The following OR10J1 variants were observed in gnomAD, a reference collection of about 807,000 sequenced individuals.
The protein encoded by OR10J1 is olfactory receptor 10J1.
For synonymous variants in OR10J1, 202 were observed against 143.8 expected, an observed-to-expected ratio of 1.40 and a Z score of -2.89; for missense variants, 474 against 376.6, an observed-to-expected ratio of 1.26 and a Z score of -2.14.
chr1:159,406,475 C>T, the OR10J1 span: 2 of 262,638 alleles, frequency 7.6e-6, no homozygotes, highest in South Asian at 9.6e-5. Context: ...TTTTTGGATT[C>T]CTTAGATAAT....
the OR10J1 span, among the ~76,000 whole-genome samples, chr1:159,397,628 C>G: frequency 6.6e-6 from 1 of 152,006 alleles, no homozygotes; most frequent in African/African-American, 2.4e-5. Context: ...TCCTCATGGC[C>G]ATGGGCGGTG....
the OR10J1 span, among the ~76,000 whole-genome samples, chr1:159,403,227 C>T: frequency 6.6e-6 from 1 of 151,938 alleles, no homozygotes; most frequent in Non-Finnish European, 1.5e-5. Flanking sequence ...AGCAATAACC[C>T]ACAAACACAG....
rs199724526 is a variant in OR10J1, at chr1:159,440,727, T to C, written c.*6T>C. ...TTGGTGGGAAGTTTTCCTGACCATG[T>C]AGGAAGAGTTCTCCTGAGGCTGTCA... On this transcript the variant is annotated 3_prime_UTR_variant, in exon 1 of 1. Transcript: ENST00000423932. 3.6e-4 allele frequency: 584 copies of C among 1,605,122 alleles called. 10 individuals are homozygous for C. In the South Asian group the frequency reaches 6.3e-3, roughly 17 times the overall value.
chr1:159,426,657 A>C, the OR10J1 span, among the ~76,000 whole-genome samples: 1 of 151,896 alleles, frequency 6.6e-6, no homozygotes, highest in East Asian at 1.9e-4. Flanking sequence ...TGTAGCAATA[A>C]TTAACAGGCC....
the OR10J1 span, among the ~76,000 whole-genome samples, chr1:159,428,838 C>T: frequency 6.6e-6 from 1 of 152,336 alleles, no homozygotes; most frequent in East Asian, 1.9e-4. Flanking sequence ...GCTTACTTGG[C>T]TTGTCAAAGA....
chr1:159,418,670 T>C, the OR10J1 span, among the ~76,000 whole-genome samples: 1 of 152,146 alleles, frequency 6.6e-6, no homozygotes, highest in Admixed American at 6.5e-5. Flanking sequence ...ACAAAGTCCT[T>C]ACTGGGACAC....
At chr1:159,409,597 T>C in the OR10J1 span, among the ~76,000 whole-genome samples, 2 of 152,132 alleles carry the variant, frequency 1.3e-5, no homozygotes, top group Non-Finnish European at 2.9e-5. Flanking sequence ...AGTCTACCTA[T>C]ACATTTCCAT....
chr1:159,399,002 A>G, the OR10J1 span, among the ~76,000 whole-genome samples: 1 of 152,258 alleles, frequency 6.6e-6, no homozygotes, highest in Non-Finnish European at 1.5e-5. Flanking sequence ...TCAAACTTCC[A>G]AAGATCAGTA....
chr1:159,408,489 T>C, the OR10J1 span, among the ~76,000 whole-genome samples: 1 of 140,674 alleles, frequency 7.1e-6, no homozygotes, highest in Non-Finnish European at 1.6e-5. Flanking sequence ...GGGGGAGGGA[T>C]AGCATTGGGA....
chr1:159,411,096 G>A, the OR10J1 span, among the ~76,000 whole-genome samples: 1 of 152,098 alleles, frequency 6.6e-6, no homozygotes, highest in East Asian at 1.9e-4. Context: ...TTCTACATTT[G>A]CTGAGGAGAG....
chr1:159,409,216 G>A, the OR10J1 span, among the ~76,000 whole-genome samples: 2 of 151,998 alleles, frequency 1.3e-5, no homozygotes, highest in African/African-American at 2.4e-5. Context: ...ACTCTCACCA[G>A]GGCATTTCCG....
the OR10J1 span, among the ~76,000 whole-genome samples, chr1:159,411,704 A>G: frequency 1.6e-3 from 245 of 152,064 alleles, no homozygotes; most frequent in Admixed American, 3.6e-3. Context: ...TTACATTTAA[A>G]GTTAATATTG....
At chr1:159,413,910 TC>T in the OR10J1 span, among the ~76,000 whole-genome samples, 1 of 152,032 alleles carries the variant, frequency 6.6e-6, no homozygotes, top group Admixed American at 6.6e-5. Context: ...TATTAATCTT[TC>T]TTAAATGTAT....
chr1:159,433,337 A>G (rs1655640185), upstream of OR10J1, among the ~76,000 whole-genome samples: 1 of 152,214 alleles, frequency 6.6e-6, no homozygotes, highest in Non-Finnish European at 1.5e-5. Flanking sequence ...GCCAAGTCAG[A>G]TATATGGGTT....
chr1:159,412,275 C>G, the OR10J1 span, among the ~76,000 whole-genome samples: 2 of 151,560 alleles, frequency 1.3e-5, no homozygotes, highest in African/African-American at 4.9e-5. Flanking sequence ...AGGTAATTTA[C>G]AGATTCAATG....
the OR10J1 span, among the ~76,000 whole-genome samples, chr1:159,418,406 TA>T: frequency 3.3e-5 from 5 of 152,080 alleles, no homozygotes; most frequent in Non-Finnish European, 7.4e-5. Context: ...TAGCCATGGT[TA>T]AAAGGGACCA....
chr1:159,410,913 G>A, the OR10J1 span, among the ~76,000 whole-genome samples: 2 of 151,116 alleles, frequency 1.3e-5, no homozygotes, highest in Non-Finnish European at 3.0e-5. Flanking sequence ...TGTTGTCATT[G>A]GTTTCAAAGA....
At chr1:159,397,867 C>T in the OR10J1 span, among the ~76,000 whole-genome samples, 2 of 152,172 alleles carry the variant, frequency 1.3e-5, no homozygotes, top group Non-Finnish European at 2.9e-5. Flanking sequence ...GCTGTCTTTG[C>T]TGCCTGGTGA....
At chr1:159,404,867 A>G in the OR10J1 span, among the ~76,000 whole-genome samples, 2 of 152,194 alleles carry the variant, frequency 1.3e-5, no homozygotes, top group South Asian at 4.1e-4. Flanking sequence ...TATAGGGTTC[A>G]TTAAGGATCA....
Sources: gnomAD v4.1 joint callset for allele counts (sites outside exome capture counted in the v4.1 genomes callset) on GRCh38, gnomAD v4.1.1 for gene constraint, MANE v1.5 for transcripts, NCBI Gene and HGNC (gene_info 2026-07-23, HGNC 2026-07-21) for gene names.